Variants in MAGI2 observed in about 807,000 individuals in gnomAD.
MAGI2 encodes membrane-associated guanylate kinase, WW and PDZ domain-containing protein 2.
A neutral mutation model predicts 133.3 loss-of-function variants in MAGI2; 35 were observed. The observed-to-expected ratio is 0.26, with a 90% CI of 0.20 to 0.35. The LOEUF (loss-of-function observed/expected upper bound fraction) is 0.35. Among genes scored for constraint, MAGI2 ranks in the 10% least tolerant of loss-of-function variants. MAGI2 has a pLI of 1.00. For synonymous variants in MAGI2, 729 were observed against 710.6 expected (o/e 1.03, Z -0.41); for missense variants, 1,636 against 1,863.4 (o/e 0.88, Z 2.25).
At chr7:78,737,232 T>C (rs1339870851) in intron 2 of MAGI2, among the ~76,000 whole-genome samples, 2 of 152,064 alleles carry the variant, frequency 1.3e-5, no homozygotes, top group Non-Finnish European at 2.9e-5. Context: ...AGGAAAAGAG[T>C]GGCAAAATTA....
chr7:78,433,945 T>C (rs1584094112), intron 6 of MAGI2, among the ~76,000 whole-genome samples: 1 of 152,188 alleles, frequency 6.6e-6, no homozygotes, highest in African/African-American at 2.4e-5. Context: ...GAATGAAGCA[T>C]TGTACCACAG....
At chr7:78,567,185 C>T (rs1447479289) in intron 3 of MAGI2, among the ~76,000 whole-genome samples, 5 of 152,140 alleles carry the variant, frequency 3.3e-5, no homozygotes, top group African/African-American at 1.2e-4. Context: ...CCTTGACATT[C>T]AAGTTTTTAA....
chr7:78,813,493 C>T (rs1789255169), intron 2 of MAGI2, among the ~76,000 whole-genome samples: 1 of 152,064 alleles, frequency 6.6e-6, no homozygotes, highest in African/African-American at 2.4e-5. Context: ...ATGAGCAAAA[C>T]TATCAGCAGG....
At chr7:78,643,750 G>C (rs1042586673) in intron 2 of MAGI2, among the ~76,000 whole-genome samples, 1 of 152,080 alleles carries the variant, frequency 6.6e-6, no homozygotes, top group African/African-American at 2.4e-5. Flanking sequence ...TGGGGGATGG[G>C]AATGGTGGCA....
At chr7:78,444,966 A>C (rs867064695) in intron 6 of MAGI2, among the ~76,000 whole-genome samples, 1 of 151,016 alleles carries the variant, frequency 6.6e-6, no homozygotes, top group Non-Finnish European at 1.5e-5. Flanking sequence ...TAGTACATAT[A>C]ATACTGTGCA....
chr7:79,321,409 A>G (rs925853058), intron 1 of MAGI2, among the ~76,000 whole-genome samples: 3 of 152,140 alleles, frequency 2.0e-5, no homozygotes, highest in Non-Finnish European at 4.4e-5. Flanking sequence ...CTTAAAAGTA[A>G]AAGATGAGGT....
At chr7:78,025,623 T>C (rs1439885386) in intron 21 of MAGI2, among the ~76,000 whole-genome samples, 1 of 152,252 alleles carries the variant, frequency 6.6e-6, no homozygotes, top group Non-Finnish European at 1.5e-5. Context: ...ATTTGAAGTA[T>C]AATCTGTCAA....
chr7:78,185,686 G>A lies in MAGI2; in HGVS notation c.2270-16C>T, dbSNP rs1827620636. ...GGCACTTGTTCTGGATGGGAAAATG[G>A]GGAATTAAAGTTGAAATTCATTTAT... On this transcript the variant is annotated splice_polypyrimidine_tract_variant and intron_variant, in intron 12 of 21. Coordinates refer to ENST00000354212, the MANE Select transcript of MAGI2 (RefSeq NM_012301.4). 3 of 1,550,006 alleles carry A rather than the reference G, an allele frequency of 1.9e-6. No homozygotes were observed. The highest frequency in any genetic ancestry group is 2.7e-5 in the African/African-American group (2 of 73,450).
chr7:78,876,321 C>CAAAAAAAAAAAAAA (rs57950337), intron 2 of MAGI2, among the ~76,000 whole-genome samples: 13 of 79,670 alleles, frequency 1.6e-4, no homozygotes, highest in African/African-American at 4.4e-4. Context: ...GACTCCGTCT[C>CAAAAAAAAAAAAAA]AAAAAAAAAA....
chr7:78,109,636 C>T (rs767738247), intron 20 of MAGI2, among the ~76,000 whole-genome samples: 6 of 152,040 alleles, frequency 3.9e-5, no homozygotes, highest in Non-Finnish European at 7.4e-5. Context: ...CGTCTCAAAA[C>T]AAAACAAAAC....
At chr7:78,286,885 G>C (rs2151027846) in intron 9 of MAGI2, among the ~76,000 whole-genome samples, 1 of 152,262 alleles carries the variant, frequency 6.6e-6, no homozygotes, top group East Asian at 1.9e-4. Context: ...GTTGATATCA[G>C]AGCTTGTGGA....
intron 3 of MAGI2, among the ~76,000 whole-genome samples, 165 bp downstream of exon 3, chr7:78,626,955 A>C (rs891159624): frequency 2.6e-5 from 4 of 151,768 alleles, no homozygotes; most frequent in Non-Finnish European, 5.9e-5. Context: ...AAGTACACTT[A>C]ATTGAGATGT....
intron 6 of MAGI2, among the ~76,000 whole-genome samples, chr7:78,451,352 T>C (rs2885553): frequency 0.77 from 117,536 of 151,700 alleles, 47,331 homozygotes; most frequent in East Asian, 0.95. Flanking sequence ...AAAGGAAAAA[T>C]AAAAAGGGAA....
intron 1 of MAGI2, among the ~76,000 whole-genome samples, chr7:79,409,476 G>A (rs560022160): frequency 2.2e-4 from 32 of 147,216 alleles, no homozygotes; most frequent in African/African-American, 5.5e-4. Context: ...TTTTTTTTTC[G>A]TTTCCTTTCT....
chr7:79,216,131 T>C (rs897292575), intron 1 of MAGI2, among the ~76,000 whole-genome samples: 1 of 151,454 alleles, frequency 6.6e-6, no homozygotes, highest in African/African-American at 2.4e-5. Context: ...GATGGGCAGG[T>C]GAACAGAAGA....
chr7:79,425,578 T>TTATATATA (rs10639427), intron 1 of MAGI2, among the ~76,000 whole-genome samples: 93 of 131,376 alleles, frequency 7.1e-4, no homozygotes, highest in South Asian at 5.4e-3. Flanking sequence ...AATAAGGGTT[T>TTATATATA]TATATATATA....
intron 20 of MAGI2, among the ~76,000 whole-genome samples, chr7:78,120,029 T>C (rs1820276408): frequency 6.6e-6 from 1 of 152,228 alleles, no homozygotes; most frequent in South Asian, 2.1e-4. Context: ...AAAGACTCGA[T>C]ATTATAAAGA....
At chr7:78,993,915 G>C (rs1449841348) in intron 2 of MAGI2, among the ~76,000 whole-genome samples, 1 of 152,012 alleles carries the variant, frequency 6.6e-6, no homozygotes, top group East Asian at 1.9e-4. Context: ...CTCCCTAATG[G>C]TTTAATTTGC....
At chr7:78,041,936 C>T (rs1333846026) in intron 21 of MAGI2, among the ~76,000 whole-genome samples, 2 of 152,092 alleles carry the variant, frequency 1.3e-5, no homozygotes. Flanking sequence ...GCTGGGACCC[C>T]CCACAACCCG....
Sources: gnomAD v4.1 joint callset for allele counts (sites outside exome capture counted in the v4.1 genomes callset) on GRCh38, gnomAD v4.1.1 for gene constraint, MANE v1.5 for transcripts, NCBI Gene and HGNC (gene_info 2026-07-23, HGNC 2026-07-21) for gene names.